Variants in DNTT observed in about 807,000 individuals in gnomAD.
DNTT encodes DNA nucleotidylexotransferase, also known as nucleosidetriphosphate:DNA deoxynucleotidylexotransferase.
In DNTT, 47 loss-of-function variants were observed where a neutral mutation model predicts 60.9. The ratio of observed to expected loss-of-function variants is 0.77; its 90% CI spans 0.61 to 0.98. The LOEUF (loss-of-function observed/expected upper bound fraction) is 0.98. Among genes scored for constraint, DNTT ranks in the 50% least tolerant of loss-of-function variants. DNTT has a pLI of 0.00. For missense variants in DNTT, 665 were observed against 627.5 expected, an observed-to-expected ratio of 1.06 and a Z score of -0.64; for synonymous variants, 224 against 221.2, an observed-to-expected ratio of 1.01 and a Z score of -0.11.
chr10:96,337,688 A>G (rs1845090955), intron 10 of DNTT, among the ~76,000 whole-genome samples: 1 of 152,262 alleles, frequency 6.6e-6, no homozygotes, highest in Non-Finnish European at 1.5e-5. Flanking sequence ...GGAAAACCCA[A>G]CACATACAAG....
intron 2 of DNTT, 81 bp from the exon 3 acceptor site, chr10:96,319,178 GACA>G (rs1031431353): frequency 6.1e-6 from 9 of 1,486,194 alleles, no homozygotes; most frequent in Non-Finnish European, 7.2e-6. Context: ...TCCAACTACA[GACA>G]ACTACTTCCA....
intron 1 of DNTT, among the ~76,000 whole-genome samples, chr10:96,307,703 G>GTATATATATATATATATATA (rs1344781767): frequency 2.3e-4 from 8 of 35,294 alleles, no homozygotes; most frequent in African/African-American, 6.9e-4. Context: ...GTGTGTGTGT[G>GTATATATATATATATATATA]TGTATATATA....
intron 9 of DNTT, among the ~76,000 whole-genome samples, chr10:96,334,696 T>C (rs1845046843): frequency 1.3e-5 from 2 of 151,940 alleles, no homozygotes; most frequent in Admixed American, 1.3e-4. Context: ...TTTTCATTCC[T>C]AAAAAAAGGG....
chr10:96,320,023 G>A (rs1213632436), intron 3 of DNTT, among the ~76,000 whole-genome samples: 1 of 152,206 alleles, frequency 6.6e-6, no homozygotes, highest in Non-Finnish European at 1.5e-5. Flanking sequence ...TCAATACAGA[G>A]CTTCTCATTT....
chr10:96,314,838 C>G (rs563770535), intron 1 of DNTT, among the ~76,000 whole-genome samples: 1 of 152,264 alleles, frequency 6.6e-6, no homozygotes, highest in East Asian at 1.9e-4. Context: ...ATATTGTTAA[C>G]ATTTCCAGTA....
Position 96,338,339 on chromosome 10 carries a change from G to T in DNTT, c.*115G>T. 1 of 882,898 alleles carries T rather than the reference G, an allele frequency of 1.1e-6. No individual in the cohort carries two copies. Among genetic ancestry groups the T allele is most frequent in the Non-Finnish European group, 1.7e-6 (1 of 588,394 alleles). The allele number at this position is 882,898 out of a possible 1,614,324, so 54.7% of individuals were successfully genotyped here. A position where few individuals can be genotyped will look rare whatever the true frequency, so the allele number is the denominator to read the frequency against. ...GTTATTTAGGTCTTATTGAAATGCA[G>T]ATTGCTACTAGAAATAAATAACTTT... On this transcript the variant is annotated 3_prime_UTR_variant, in exon 11 of 11. Transcript: ENST00000371174.
In DNTT at chr10:96,338,312, G is replaced by C; in HGVS notation, c.*88G>C. On this transcript the variant is annotated 3_prime_UTR_variant, in exon 11 of 11. Coordinates refer to ENST00000371174, the MANE Select transcript of DNTT (RefSeq NM_004088.4). ...GTAAAAGATGCCATAGGAGAGTTTG[G>C]GGTTATTTAGGTCTTATTGAAATGC... 1.7e-6 allele frequency: 2 copies of C among 1,206,966 alleles called. No homozygotes were observed. Among genetic ancestry groups the C allele is most frequent in the Non-Finnish European group, 2.3e-6 (2 of 856,296 alleles). The allele number at this position is 1,206,966 out of a possible 1,614,324, so 74.8% of individuals were successfully genotyped here. A position where few individuals can be genotyped will look rare whatever the true frequency, so the allele number is the denominator to read the frequency against.
intron 9 of DNTT, among the ~76,000 whole-genome samples, chr10:96,333,912 G>A (rs1440649951): frequency 1.3e-5 from 2 of 152,198 alleles, no homozygotes; most frequent in Non-Finnish European, 2.9e-5. Flanking sequence ...CTATTGCACA[G>A]TATGGTGACT....
rs115750781 is a variant in DNTT, at chr10:96,313,894, C to T, written c.204-4458C>T. On this transcript the variant is annotated intron_variant, in intron 1 of 10. Coordinates refer to ENST00000371174, the MANE Select transcript of DNTT (RefSeq NM_004088.4). The stretch of plus-strand genomic sequence containing the variant: ...GGATGGTGACAGGCCAGAATTTGGA[C>T]GATGAGTCCAGGGCTCCCCCTTGAC... 6.3e-3 allele frequency among the ~76,000 whole-genome samples: 956 copies of T among 152,194 alleles called. 7 individuals are homozygous for T. Among genetic ancestry groups the T allele is most frequent in the African/African-American group, 0.021 (862 of 41,522 alleles).
At position 96,328,804 on chromosome 10, in the gene DNTT, A is replaced by G; in HGVS notation, c.1087A>G (p.Lys363Glu). ...AGAGGATGAAGAGCAACTTTTACAGAAAGTGATGAACTTATGGGAAAAGAA... is the reference window on the plus strand; with the variant it reads ...AGAGGATGAAGAGCAACTTTTACAGGAAGTGATGAACTTATGGGAAAAGAA... ...STEDEEQLLQ[K>E]VMNLWEKKGL... Residue 363 changes from lysine to glutamate, a missense_variant, in exon 8 of 11, where the codon AAA (lysine) becomes GAA (glutamate). Transcript: ENST00000371174. 6.2e-7 allele frequency: 1 copy of G among 1,613,732 alleles called. No homozygotes were observed. Among genetic ancestry groups the G allele is most frequent in the Non-Finnish European group, 8.5e-7 (1 of 1,179,848 alleles).
chr10:96,310,421 G>A (rs1463430103), intron 1 of DNTT, among the ~76,000 whole-genome samples: 3 of 152,182 alleles, frequency 2.0e-5, no homozygotes, highest in Non-Finnish European at 4.4e-5. Flanking sequence ...GAAAATAAAA[G>A]TTGAACTGGC....
chr10:96,326,610 C>T (rs915428798), intron 6 of DNTT, among the ~76,000 whole-genome samples: 2 of 152,130 alleles, frequency 1.3e-5, no homozygotes, highest in Admixed American at 6.5e-5. Flanking sequence ...CAGGTGAAAT[C>T]GCAAAGAAGT....
intron 8 of DNTT, among the ~76,000 whole-genome samples, chr10:96,330,291 A>G (rs1844990864): frequency 6.8e-6 from 1 of 147,532 alleles, no homozygotes; most frequent in Non-Finnish European, 1.5e-5. Flanking sequence ...GTGACAGTTT[A>G]CTGTTAGGAA....
chr10:96,319,864 T>C (rs545591583), intron 3 of DNTT, among the ~76,000 whole-genome samples: 1 of 152,334 alleles, frequency 6.6e-6, no homozygotes, highest in African/African-American at 2.4e-5. Flanking sequence ...TGTCTCCTCA[T>C]CTATTCAAAA....
At chr10:96,309,888 T>C (rs1355418678) in intron 1 of DNTT, among the ~76,000 whole-genome samples, 1 of 152,222 alleles carries the variant, frequency 6.6e-6, no homozygotes, top group African/African-American at 2.4e-5. Flanking sequence ...CTTTAGAAAG[T>C]TGCAATGATA....
Position 96,320,614 on chromosome 10 carries a change from G to A in DNTT, c.508-4G>A. ...TCTCCTGCTTATCTGGTTTTATCCT[G>A]CAGGATGCCTTTGATATACTGGCTG... On this transcript the variant is annotated splice_region_variant and splice_polypyrimidine_tract_variant and intron_variant, in intron 3 of 10. Coordinates refer to ENST00000371174, the MANE Select transcript of DNTT (RefSeq NM_004088.4). 1.2e-6 allele frequency: 2 copies of A among 1,613,424 alleles called. No homozygotes were observed. Among genetic ancestry groups the A allele is most frequent in the Non-Finnish European group, 1.7e-6 (2 of 1,179,558 alleles).
chr10:96,321,491 A>G (rs765163288), intron 4 of DNTT, among the ~76,000 whole-genome samples: 5 of 152,090 alleles, frequency 3.3e-5, no homozygotes, highest in Non-Finnish European at 7.3e-5. Context: ...AATGCTCCGG[A>G]AAGTCATAAT....
In DNTT at chr10:96,332,541, T is replaced by C; in HGVS notation, c.1304T>C (p.Val435Ala). ...TGGAAGGCCATCCGTGTGGATTTAG[T>C]TCTGTGCCCCTACGAGCGTCGTGCC... ...KTWKAIRVDL[V>A]LCPYERRAFA... is the part of the protein sequence containing the mutation. The change falls in exon 9 of 11, where the codon GTT (valine) becomes GCT (alanine). Residue 435 changes from valine (V) to alanine (A), a missense_variant. Physicochemically the swap from Val to Ala is moderately conservative, Grantham distance 64. Coordinates refer to ENST00000371174, the MANE Select transcript of DNTT (RefSeq NM_004088.4). 1.2e-6 allele frequency: 2 copies of C among 1,614,142 alleles called. No individual in the cohort carries two copies. Among genetic ancestry groups the C allele is most frequent in the Middle Eastern group, 3.3e-4 (2 of 6,060 alleles).
intron 5 of DNTT, among the ~76,000 whole-genome samples, chr10:96,323,850 G>A (rs973671489): frequency 6.6e-6 from 1 of 152,150 alleles, no homozygotes; most frequent in Admixed American, 6.5e-5. Flanking sequence ...GTATGATGGT[G>A]GAGAAACTAT....
Sources: gnomAD v4.1 joint callset for allele counts (sites outside exome capture counted in the v4.1 genomes callset) on GRCh38, gnomAD v4.1.1 for gene constraint, MANE v1.5 for transcripts, NCBI Gene and HGNC (gene_info 2026-07-23, HGNC 2026-07-21) for gene names.